The following DNAH14 variants were observed in gnomAD, a reference collection of about 807,000 sequenced individuals.
DNAH14 encodes the protein axonemal beta dynein heavy chain 14.
A neutral mutation model predicts 520.9 loss-of-function variants in DNAH14; 478 were observed. The ratio of observed to expected loss-of-function variants is 0.92; its 90% CI spans 0.85 to 0.99. The LOEUF is 0.99. Among genes scored for constraint, DNAH14 ranks in the 50% least tolerant of loss-of-function variants. DNAH14 has a pLI of 0.00. For missense variants in DNAH14, 4,831 were observed against 5,234.5 expected (o/e 0.92, Z 2.38); for synonymous variants, 1,581 against 1,757.2 (o/e 0.90, Z 2.51).
intron 5 of DNAH14, among the ~76,000 whole-genome samples, chr1:224,965,982 T>C (rs968077538): frequency 5.9e-5 from 9 of 152,174 alleles, no homozygotes; most frequent in Admixed American, 3.3e-4. Context: ...CATATTCTTA[T>C]GCTTTTATAA....
chr1:225,368,949 T>G (rs1338643542), intron 77 of DNAH14, among the ~76,000 whole-genome samples: 3 of 152,156 alleles, frequency 2.0e-5, no homozygotes, highest in Non-Finnish European at 4.4e-5. Flanking sequence ...TCAAGTACGC[T>G]TCTGTCAAGG....
At chr1:224,956,466 A>G (rs966748877) in intron 3 of DNAH14, among the ~76,000 whole-genome samples, 4 of 152,166 alleles carry the variant, frequency 2.6e-5, no homozygotes, top group African/African-American at 7.2e-5. Context: ...TATTCAGTAC[A>G]GAAACGTGCT....
At chr1:225,123,392 C>T (rs970511218) in intron 26 of DNAH14, 135 bp from the exon 27 acceptor site, 8 of 195,060 alleles carry the variant, frequency 4.1e-5, no homozygotes, top group Admixed American at 3.3e-4. Context: ...TTTATTTGGT[C>T]TGATTTCTAC....
intron 71 of DNAH14, 110 bp downstream of exon 71, chr1:225,346,764 CT>C (rs774597797): frequency 5.1e-6 from 4 of 782,810 alleles, no homozygotes; most frequent in Non-Finnish European, 7.8e-6. Context: ...GTAAAAGTAG[CT>C]TGAGGTCAAG....
intron 61 of DNAH14, among the ~76,000 whole-genome samples, chr1:225,319,422 AT>A (rs1172686931): frequency 6.6e-6 from 1 of 152,180 alleles, no homozygotes; most frequent in African/African-American, 2.4e-5. Flanking sequence ...GTTTTCTGCT[AT>A]TTGTAGAAAA....
chr1:225,083,341 C>T (rs1366990118), intron 20 of DNAH14, among the ~76,000 whole-genome samples: 2 of 152,032 alleles, frequency 1.3e-5, no homozygotes, highest in Non-Finnish European at 2.9e-5. Flanking sequence ...CTATAATTCT[C>T]TGCTAAATGA....
In DNAH14 at chr1:225,374,825, A is replaced by G; in HGVS notation, c.12456A>G (p.Leu4152=). 6.4e-7 allele frequency: 1 copy of G among 1,551,348 alleles called. No individual in the cohort carries two copies. Among genetic ancestry groups the G allele is most frequent in the Non-Finnish European group, 8.7e-7 (1 of 1,146,830 alleles). The change falls in exon 78 of 86, where the codon CTA becomes CTG. Residue 4152 remains leucine, a synonymous_variant. Transcript: ENST00000682510. The stretch of plus-strand genomic sequence containing the variant: ...GGGACAAGCGATGCTTGAAGACCCT[A>G]CTCTACAAATTTTGTAATCCTGAAG... ...DNWDKRCLKT[L]LYKFCNPEVL...
intron 73 of DNAH14, among the ~76,000 whole-genome samples, chr1:225,356,110 A>G (rs1021608140): frequency 1.3e-5 from 2 of 152,208 alleles, no homozygotes; most frequent in African/African-American, 4.8e-5. Context: ...TTGAGAGACA[A>G]CAAAGGTTTG....
chr1:225,109,679 A>G (rs1471927943), intron 23 of DNAH14, among the ~76,000 whole-genome samples: 2 of 151,994 alleles, frequency 1.3e-5, no homozygotes, highest in African/African-American at 2.4e-5. Context: ...TGCTTTTCCA[A>G]CTTGGATGCC....
chr1:225,107,174 G>A (rs58355180), intron 23 of DNAH14, among the ~76,000 whole-genome samples: 12,188 of 152,194 alleles, frequency 0.08, 1,573 homozygotes, highest in African/African-American at 0.27. Context: ...TATCAGCAGC[G>A]GAGGCTGCAG....
intron 41 of DNAH14, among the ~76,000 whole-genome samples, chr1:225,212,126 A>G (rs946499011): frequency 3.0e-5 from 4 of 135,292 alleles, no homozygotes; most frequent in Non-Finnish European, 3.0e-5. Context: ...TCATTGTTCA[A>G]TTCCCACCTA....
At chr1:225,173,255 A>G (rs1337348098) in intron 36 of DNAH14, among the ~76,000 whole-genome samples, 1 of 152,242 alleles carries the variant, frequency 6.6e-6, no homozygotes, top group Non-Finnish European at 1.5e-5. Flanking sequence ...CAAAATTGAC[A>G]AATGGGATCT....
At chr1:225,332,059 T>G (rs2094810431) in intron 65 of DNAH14, among the ~76,000 whole-genome samples, 1 of 152,134 alleles carries the variant, frequency 6.6e-6, no homozygotes, top group Non-Finnish European at 1.5e-5. Context: ...AAGAACATTT[T>G]ATTTTGTTCT....
chr1:225,204,408 GTT>G (rs1389892467), intron 39 of DNAH14, 135 bp downstream of exon 39: 12 of 509,880 alleles, frequency 2.4e-5, no homozygotes, highest in Middle Eastern at 4.8e-4. Flanking sequence ...TTGTTCGTAT[GTT>G]TATTTAAAAT....
At chr1:225,332,890 A>G (rs1269868852) in intron 65 of DNAH14, among the ~76,000 whole-genome samples, 2 of 151,482 alleles carry the variant, frequency 1.3e-5, no homozygotes, top group African/African-American at 4.9e-5. Context: ...ATTGTAAGCC[A>G]CTCAGAAGGC....
At chr1:225,365,794 G>A (rs992619163) in intron 76 of DNAH14, among the ~76,000 whole-genome samples, 9 of 152,036 alleles carry the variant, frequency 5.9e-5, no homozygotes, top group Non-Finnish European at 1.2e-4. Flanking sequence ...GAGGTACTGG[G>A]GGTAGGGGAA....
intron 1 of DNAH14, 27 bp from the exon 2 acceptor site, chr1:224,952,643 A>C: frequency 8.0e-7 from 1 of 1,252,546 alleles, no homozygotes; most frequent in East Asian, 2.6e-5. Flanking sequence ...TTGTATATTA[A>C]ATATAATAAT....
At chr1:225,324,484 A>G (rs2150226573) in intron 63 of DNAH14, 131 bp downstream of exon 63, 2 of 1,250,194 alleles carry the variant, frequency 1.6e-6, no homozygotes, top group Admixed American at 2.8e-5. Context: ...ACTTTAATCA[A>G]ATGTTATTCT....
intron 36 of DNAH14, among the ~76,000 whole-genome samples, chr1:225,178,400 C>A (rs772529608): frequency 1.3e-4 from 20 of 152,154 alleles, no homozygotes; most frequent in Non-Finnish European, 2.2e-4. Flanking sequence ...ATAAACCCAT[C>A]AGATCTCATG....
Sources: gnomAD v4.1 joint callset for allele counts (sites outside exome capture counted in the v4.1 genomes callset) on GRCh38, gnomAD v4.1.1 for gene constraint, MANE v1.5 for transcripts, NCBI Gene and HGNC (gene_info 2026-07-23, HGNC 2026-07-21) for gene names.